Variants in NAV2 observed in about 807,000 individuals in gnomAD.
NAV2 encodes the protein helicase, APC down-regulated 1.
Under a neutral mutation model 223.2 loss-of-function variants are expected in NAV2, and 54 were observed. The ratio of observed to expected loss-of-function variants is 0.24; its 90% CI spans 0.19 to 0.30. NAV2 has a LOEUF of 0.30. NAV2 is among the 10% of genes least tolerant of loss of function. The pLI is 1.00. For missense variants in NAV2, 2,806 were observed against 3,147.5 expected (o/e 0.89, Z 2.60); for synonymous variants, 1,279 against 1,239.3 (o/e 1.03, Z -0.67).
chr11:19,559,250 G>A (rs1447910930), intron 1 of NAV2, among the ~76,000 whole-genome samples: 1 of 152,186 alleles, frequency 6.6e-6, no homozygotes, highest in Non-Finnish European at 1.5e-5. Flanking sequence ...TACAGAGATT[G>A]TTCCCAAGAT....
chr11:19,862,493 T>C (rs939166031), intron 3 of NAV2, among the ~76,000 whole-genome samples: 2 of 152,220 alleles, frequency 1.3e-5, no homozygotes, highest in African/African-American at 4.8e-5. Context: ...GCCCCTCTTA[T>C]GACAGGACGA....
intron 1 of NAV2, among the ~76,000 whole-genome samples, chr11:19,578,171 C>G (rs1389614692): frequency 6.6e-6 from 1 of 152,222 alleles, no homozygotes; most frequent in Non-Finnish European, 1.5e-5. Context: ...TCATGCATCT[C>G]CAGTGCAGAG....
intron 1 of NAV2, among the ~76,000 whole-genome samples, chr11:19,799,060 G>T (rs1247265505): frequency 1.3e-5 from 2 of 152,170 alleles, no homozygotes; most frequent in African/African-American, 4.8e-5. Context: ...CTCAGGGGCT[G>T]GGACTTTATC....
intron 1 of NAV2, among the ~76,000 whole-genome samples, chr11:19,730,922 A>C (rs1007196370): frequency 1.3e-5 from 2 of 152,262 alleles, no homozygotes; most frequent in Non-Finnish European, 2.9e-5. Flanking sequence ...AAATGATGAA[A>C]AAATTTTAAT....
At chr11:19,373,426 T>C (rs1251500650) in intron 1 of NAV2, among the ~76,000 whole-genome samples, 3 of 152,194 alleles carry the variant, frequency 2.0e-5, no homozygotes, top group African/African-American at 7.2e-5. Context: ...GCTCCTTGAA[T>C]CTGCCAACAA....
chr11:19,584,665 C>T (rs1322204926), intron 1 of NAV2, among the ~76,000 whole-genome samples: 1 of 152,202 alleles, frequency 6.6e-6, no homozygotes, highest in Non-Finnish European at 1.5e-5. Context: ...GCAGGTTGTT[C>T]AGTTTCCATG....
chr11:19,474,263 T>C (rs187672481), intron 1 of NAV2, among the ~76,000 whole-genome samples: 5 of 152,306 alleles, frequency 3.3e-5, no homozygotes, highest in Admixed American at 1.3e-4. Flanking sequence ...GCCAGCCCAG[T>C]GGCATCGTTT....
intron 1 of NAV2, among the ~76,000 whole-genome samples, chr11:19,498,049 G>A (rs779550538): frequency 2.6e-5 from 4 of 152,172 alleles, no homozygotes; most frequent in Admixed American, 6.5e-5. Flanking sequence ...TGACTTGCAC[G>A]AGGACATGCA....
At chr11:20,058,593 T>A (rs1030768351) in intron 19 of NAV2, among the ~76,000 whole-genome samples, 3 of 152,204 alleles carry the variant, frequency 2.0e-5, no homozygotes, top group Admixed American at 2.0e-4. Context: ...CCTATCAATT[T>A]ATATGGAATC....
At chr11:19,482,848 T>C (rs1222078235) in intron 1 of NAV2, among the ~76,000 whole-genome samples, 2 of 152,186 alleles carry the variant, frequency 1.3e-5, no homozygotes, top group Non-Finnish European at 2.9e-5. Context: ...GCCAGTGTGC[T>C]GGAGAGGTAT....
At chr11:19,690,143 G>A (rs2049129003) in intron 1 of NAV2, among the ~76,000 whole-genome samples, 1 of 152,066 alleles carries the variant, frequency 6.6e-6, no homozygotes, top group African/African-American at 2.4e-5. Context: ...TGTATTTTTA[G>A]TAGAGGTGGG....
intron 10 of NAV2, among the ~76,000 whole-genome samples, chr11:19,981,948 G>A (rs2050329672): frequency 6.6e-6 from 1 of 152,134 alleles, no homozygotes; most frequent in African/African-American, 2.4e-5. Flanking sequence ...AAAAAAATTT[G>A]CACAGCCCTA....
intron 37 of NAV2, among the ~76,000 whole-genome samples, chr11:20,117,669 A>G (rs4757037): frequency 0.78 from 117,870 of 151,982 alleles, 48,044 homozygotes; most frequent in Middle Eastern, 0.92. Context: ...GAGGGGGTCC[A>G]TGTGCTTCCG....
intron 1 of NAV2, among the ~76,000 whole-genome samples, chr11:19,352,676 G>A (rs978911153): frequency 2.0e-5 from 3 of 152,188 alleles, no homozygotes; most frequent in South Asian, 2.1e-4. Context: ...GAGTCTCCAT[G>A]CTTGGGTGAG....
intron 10 of NAV2, among the ~76,000 whole-genome samples, chr11:19,953,762 T>C (rs918274005): frequency 2.2e-4 from 33 of 152,206 alleles, no homozygotes; most frequent in Non-Finnish European, 4.9e-4. Context: ...CTCTGCCAAG[T>C]GAACTGGAAC....
At chr11:19,983,043 C>A (rs1258529122) in intron 10 of NAV2, among the ~76,000 whole-genome samples, 1 of 152,218 alleles carries the variant, frequency 6.6e-6, no homozygotes, top group East Asian at 1.9e-4. Flanking sequence ...TTTTCAGATA[C>A]CTTGCAGGGT....
chr11:19,366,430 C>G (rs1284342488), intron 1 of NAV2, among the ~76,000 whole-genome samples: 1 of 152,080 alleles, frequency 6.6e-6, no homozygotes, highest in East Asian at 1.9e-4. Context: ...GCTGGGTTGT[C>G]TTTCTGTAGC....
At position 19,946,433 on chromosome 11, in the gene NAV2, G is replaced by A. The variant is rs748923224; in HGVS notation, c.2179G>A (p.Val727Met). The A allele has an allele frequency of 9.9e-6, 16 of 1,613,534 alleles. No individual in the cohort carries two copies. Among genetic ancestry groups the A allele is most frequent in the Non-Finnish European group, 1.4e-5 (16 of 1,179,850 alleles). ...EDPEARRLRT[V>M]KNIADLRQNL... ...TCCTGAGGCTCGGCGGCTGCGGACA[G>A]TGAAGAACATCGCTGATCTGCGGCA... Residue 727 changes from valine to methionine, a missense_variant, in exon 9 of 38, where the codon GTG (valine) becomes ATG (methionine). Transcript: ENST00000349880.
intron 3 of NAV2, among the ~76,000 whole-genome samples, chr11:19,866,408 A>G (rs1465905323): frequency 1.3e-5 from 2 of 152,208 alleles, no homozygotes; most frequent in Non-Finnish European, 2.9e-5. Context: ...CAAAATTATA[A>G]AATTCTGGGA....
Sources: allele counts gnomAD v4.1 joint callset (sites outside exome capture counted in the v4.1 genomes callset), GRCh38; gene constraint gnomAD v4.1.1; transcripts MANE v1.5; gene names NCBI Gene and HGNC (gene_info 2026-07-23, HGNC 2026-07-21).